Variants in MAML2 observed in about 807,000 individuals in gnomAD.
The protein encoded by MAML2 is mastermind like transcriptional coactivator 2, also known as mastermind-like protein 2.
In MAML2, 22 loss-of-function variants were observed where a neutral mutation model predicts 96.1. The ratio of observed to expected loss-of-function variants is 0.23; its 90% CI spans 0.16 to 0.33. The LOEUF is 0.33. Among genes scored for constraint, MAML2 ranks in the 10% least tolerant of loss-of-function variants. MAML2 has a pLI of 1.00. For missense variants in MAML2, 1,367 were observed against 1,392.4 expected, an observed-to-expected ratio of 0.98 and a Z score of 0.29; for synonymous variants, 561 against 521.3, an observed-to-expected ratio of 1.08 and a Z score of -1.04.
chr11:96,138,232 G>A (rs779789657), intron 1 of MAML2, among the ~76,000 whole-genome samples: 14 of 152,102 alleles, frequency 9.2e-5, no homozygotes, highest in African/African-American at 1.9e-4. Flanking sequence ...CTTTCCTGTC[G>A]TCCATGCTGA....
At chr11:96,336,598 A>C (rs927595362) in intron 1 of MAML2, among the ~76,000 whole-genome samples, 6 of 152,234 alleles carry the variant, frequency 3.9e-5, no homozygotes, top group Admixed American at 2.0e-4. Context: ...GTCTGGATTA[A>C]AGAACAAGAA....
At chr11:96,180,973 G>T (rs904293719) in intron 1 of MAML2, among the ~76,000 whole-genome samples, 142 of 150,644 alleles carry the variant, frequency 9.4e-4, no homozygotes, top group African/African-American at 3.3e-3. Flanking sequence ...AGTGGGGGTC[G>T]CAAGGTGCTC....
At chr11:96,178,714 C>T (rs946659547) in intron 1 of MAML2, among the ~76,000 whole-genome samples, 9 of 152,148 alleles carry the variant, frequency 5.9e-5, no homozygotes, top group African/African-American at 1.9e-4. Context: ...TCTTATTAAT[C>T]GTCACCAGTG....
At chr11:96,149,457 C>A (rs553756338) in intron 1 of MAML2, among the ~76,000 whole-genome samples, 1 of 138,522 alleles carries the variant, frequency 7.2e-6, no homozygotes, top group Non-Finnish European at 1.5e-5. Flanking sequence ...TTCAGCCAGG[C>A]GCAGTGGCTC....
rs1294172568 is a variant in MAML2 at position 96,290,328 on chromosome 11, T to C, written c.513+51055A>G. The stretch of plus-strand genomic sequence containing the variant: ...TACCCTGGTGGCTTGAAAGAGACAA[T>C]GGGGAGAATGTGGCTCATTAAATAG... On this transcript the variant is annotated intron_variant, in intron 1 of 4. Coordinates refer to ENST00000524717, the MANE Select transcript of MAML2 (RefSeq NM_032427.4). Among the ~76,000 whole-genome samples the C allele has an allele frequency of 2.6e-5, 4 of 152,200 alleles. No individual in the cohort carries two copies. In the South Asian group the frequency reaches 8.3e-4, roughly 31 times the overall value.
chr11:96,120,114 C>G (rs543163460), intron 1 of MAML2, among the ~76,000 whole-genome samples: 1 of 152,074 alleles, frequency 6.6e-6, no homozygotes, highest in African/African-American at 2.4e-5. Flanking sequence ...CCTGCCAGCA[C>G]GCCCGGCTAA....
intron 1 of MAML2, among the ~76,000 whole-genome samples, chr11:96,159,626 G>C (rs570311166): frequency 6.6e-6 from 1 of 151,818 alleles, no homozygotes; most frequent in Non-Finnish European, 1.5e-5. Flanking sequence ...GCGTTTCACC[G>C]TGTTAGCCAG....
intron 1 of MAML2, among the ~76,000 whole-genome samples, chr11:96,140,243 T>C (rs1860709221): frequency 6.6e-6 from 1 of 152,254 alleles, no homozygotes; most frequent in Non-Finnish European, 1.5e-5. Flanking sequence ...CTTACCCTGC[T>C]AATATCAATT....
intron 1 of MAML2, among the ~76,000 whole-genome samples, chr11:96,282,230 C>T (rs1230746005): frequency 2.8e-5 from 4 of 144,668 alleles, no homozygotes; most frequent in Non-Finnish European, 4.5e-5. Flanking sequence ...ACCTGGGCGA[C>T]AGAGCAAGAC....
intron 1 of MAML2, among the ~76,000 whole-genome samples, chr11:96,291,821 T>C (rs117205590): frequency 0.021 from 3,134 of 152,286 alleles, 49 homozygotes; most frequent in Non-Finnish European, 0.035. Context: ...TGTCTGCGGT[T>C]GTAGAGAACA....
intron 1 of MAML2, among the ~76,000 whole-genome samples, chr11:96,155,594 T>C (rs1409237895): frequency 7.1e-6 from 1 of 139,974 alleles, no homozygotes; most frequent in African/African-American, 2.7e-5. Flanking sequence ...GTCCAATGTT[T>C]AGCTGTTATT....
intron 1 of MAML2, among the ~76,000 whole-genome samples, chr11:96,330,872 C>T (rs1863844506): frequency 6.6e-6 from 1 of 152,078 alleles, no homozygotes; most frequent in Non-Finnish European, 1.5e-5. Context: ...CGAGGCCAAT[C>T]GAGATTCAAG....
chr11:96,185,298 T>A (rs1390173636), intron 1 of MAML2, among the ~76,000 whole-genome samples: 1 of 152,152 alleles, frequency 6.6e-6, no homozygotes, highest in East Asian at 1.9e-4. Flanking sequence ...AGCAGTGAAG[T>A]GTTAAAACCA....
rs1342596521 is a variant in MAML2 at position 95,979,900 on chromosome 11, G to C, written c.2519C>G (p.Thr840Ser). Residue 840 changes from threonine (T) to serine (S), a missense_variant, in exon 5 of 5, where the codon ACC becomes AGC. Coordinates refer to ENST00000524717, the MANE Select transcript of MAML2 (RefSeq NM_032427.4). ...GAGGCTGGAATTGGGAGTTAAAATG[G>C]TGTGTGTTGAAACTGGGTTTGCCAA... ...QALANPVSTHTILTPNSSLLS... is the reference protein window; with the variant it reads ...QALANPVSTHSILTPNSSLLS... 1.2e-6 allele frequency: 2 copies of C among 1,613,774 alleles called. No homozygotes were observed. Among genetic ancestry groups the C allele is most frequent in the African/African-American group, 1.3e-5 (1 of 74,910 alleles).
intron 1 of MAML2, among the ~76,000 whole-genome samples, chr11:96,243,063 C>G (rs994317789): frequency 6.6e-6 from 1 of 151,808 alleles, no homozygotes; most frequent in Non-Finnish European, 1.5e-5. Context: ...TACACATACA[C>G]ACACACCCCC....
At chr11:96,328,145 G>A (rs1863810294) in intron 1 of MAML2, among the ~76,000 whole-genome samples, 1 of 152,102 alleles carries the variant, frequency 6.6e-6, no homozygotes, top group African/African-American at 2.4e-5. Context: ...GTGTGCATGT[G>A]TGTATATATG....
At chr11:96,308,582 A>C (rs75093259) in intron 1 of MAML2, among the ~76,000 whole-genome samples, 2,144 of 152,342 alleles carry the variant, frequency 0.014, 56 homozygotes, top group African/African-American at 0.049. Context: ...TTTAGACATA[A>C]AATATTAAGC....
intron 1 of MAML2, among the ~76,000 whole-genome samples, chr11:96,136,269 T>C (rs1234922366): frequency 1.3e-5 from 2 of 149,996 alleles, no homozygotes; most frequent in East Asian, 3.8e-4. Context: ...AGCCGCATAA[T>C]TGCTTCAATT....
intron 2 of MAML2, among the ~76,000 whole-genome samples, chr11:96,091,133 T>C (rs1378141158): frequency 2.0e-5 from 3 of 152,232 alleles, no homozygotes; most frequent in South Asian, 2.1e-4. Context: ...TGTTTTATGT[T>C]AACCAAACGA....
Sources: gnomAD v4.1 joint callset for allele counts (sites outside exome capture counted in the v4.1 genomes callset) on GRCh38, gnomAD v4.1.1 for gene constraint, MANE v1.5 for transcripts, NCBI Gene and HGNC (gene_info 2026-07-23, HGNC 2026-07-21) for gene names.